ADAM22: variants seen among roughly 807,000 people sequenced by gnomAD.
ADAM22 encodes the protein ADAM metallopeptidase domain 22, also known as disintegrin and metalloproteinase domain-containing protein 22.
Under a neutral mutation model 144.6 loss-of-function variants are expected in ADAM22, and 65 were observed. The ratio of observed to expected loss-of-function variants is 0.45; its 90% CI spans 0.37 to 0.55. ADAM22 has a LOEUF of 0.55. ADAM22 is among the 20% of genes least tolerant of loss of function. ADAM22 has a pLI of 0.00. For synonymous variants in ADAM22, 391 were observed against 412.6 expected, an observed-to-expected ratio of 0.95 and a Z score of 0.63; for missense variants, 974 against 1,184.9, an observed-to-expected ratio of 0.82 and a Z score of 2.61.
rs571640366 is a variant in ADAM22, at chr7:88,023,110, G to A, written c.323+44698G>A. ...CTGATTTTTGTTTTCTGGTTGTTTC[G>A]TGGTCTTCTCTTCATTCTTTTCTTC... is the stretch of plus-strand genomic sequence containing the variant. On this transcript the variant is annotated intron_variant, in intron 3 of 31. Coordinates refer to ENST00000413139, the MANE Select transcript of ADAM22 (RefSeq NM_001324418.2). Among the ~76,000 whole-genome samples the A allele has an allele frequency of 2.3e-3, 349 of 152,162 alleles. 3 individuals carry two copies. Among genetic ancestry groups the A allele is most frequent in the African/African-American group, 8.2e-3 (339 of 41,532 alleles).
intron 22 of ADAM22, among the ~76,000 whole-genome samples, chr7:88,159,077 G>A (rs755666542): frequency 7.2e-5 from 11 of 151,864 alleles, no homozygotes; most frequent in South Asian, 2.1e-4. Flanking sequence ...GGGATGTTAC[G>A]ACTCACCCCA....
At chr7:88,135,451 A>G (rs967150315) in intron 13 of ADAM22, among the ~76,000 whole-genome samples, 4 of 152,114 alleles carry the variant, frequency 2.6e-5, no homozygotes, top group African/African-American at 4.8e-5. Flanking sequence ...TAGCTCTTAC[A>G]AGTATAATGT....
intron 3 of ADAM22, among the ~76,000 whole-genome samples, chr7:87,984,856 T>G (rs1005895557): frequency 5.3e-5 from 8 of 151,988 alleles, no homozygotes; most frequent in African/African-American, 1.7e-4. Flanking sequence ...AATTTTTGTG[T>G]TTTTAGTGGA....
intron 3 of ADAM22, among the ~76,000 whole-genome samples, chr7:88,001,504 A>G (rs115029527): frequency 2.0e-4 from 30 of 152,314 alleles, no homozygotes; most frequent in African/African-American, 7.0e-4. Flanking sequence ...GTAGAAACTC[A>G]AAAGCTAATA....
intron 3 of ADAM22, among the ~76,000 whole-genome samples, chr7:88,002,749 G>A (rs1792879564): frequency 6.6e-6 from 1 of 152,190 alleles, no homozygotes; most frequent in Admixed American, 6.5e-5. Context: ...CACCTTGGAG[G>A]AGAGTCATCA....
At chr7:88,158,025 A>G (rs1840473807) in intron 22 of ADAM22, among the ~76,000 whole-genome samples, 1 of 152,160 alleles carries the variant, frequency 6.6e-6, no homozygotes, top group Non-Finnish European at 1.5e-5. Context: ...ATGCAGTGAC[A>G]TCTATAGACT....
At chr7:87,954,716 T>C (rs1472490098) in intron 2 of ADAM22, among the ~76,000 whole-genome samples, 1 of 152,220 alleles carries the variant, frequency 6.6e-6, no homozygotes, top group Non-Finnish European at 1.5e-5. Flanking sequence ...GAAGTTCTCC[T>C]GGATAATATC....
intron 2 of ADAM22, among the ~76,000 whole-genome samples, chr7:87,944,816 G>GTTTTTTTTTTTTTTTTTTTTTTTTTT (rs11311070): frequency 7.9e-6 from 1 of 127,026 alleles, no homozygotes; most frequent in Non-Finnish European, 1.6e-5. Flanking sequence ...GGAAACTTGT[G>GTTTTTTTTTTTTTTTTTTTTTTTTTT]TTTTTTTTTT....
At chr7:88,126,094 G>C (rs1465846288) in intron 8 of ADAM22, among the ~76,000 whole-genome samples, 1 of 152,018 alleles carries the variant, frequency 6.6e-6, no homozygotes, top group Non-Finnish European at 1.5e-5. Flanking sequence ...CAAAACTTTG[G>C]AGTCCAGGAT....
intron 30 of ADAM22, among the ~76,000 whole-genome samples, chr7:88,192,033 C>T (rs1849724327): frequency 6.6e-6 from 1 of 152,144 alleles, no homozygotes; most frequent in Admixed American, 6.5e-5. Flanking sequence ...AAAAAGACAC[C>T]TTTATGCTAT....
At position 87,934,556 on chromosome 7, in the gene ADAM22, T is replaced by A; in HGVS notation, c.85+6T>A. The A allele has an allele frequency of 3.1e-6, 5 of 1,605,170 alleles. No individual in the cohort carries two copies. Among genetic ancestry groups the A allele is most frequent in the Non-Finnish European group, 4.2e-6 (5 of 1,178,752 alleles). On this transcript the variant is annotated splice_donor_region_variant and intron_variant, in intron 1 of 31. Coordinates refer to ENST00000413139, the MANE Select transcript of ADAM22 (RefSeq NM_001324418.2). The stretch of plus-strand genomic sequence containing the variant: ...GGCGCGCTGCGGCCAGGCAGGTAAG[T>A]TAGCCGTCCTCTGTGCCTTTGGGCC...
intron 7 of ADAM22, among the ~76,000 whole-genome samples, chr7:88,121,270 T>C (rs1829237793): frequency 6.6e-6 from 1 of 152,070 alleles, no homozygotes; most frequent in Non-Finnish European, 1.5e-5. Context: ...TCAATTTCTA[T>C]AATTCTGGGA....
At chr7:88,041,311 G>T (rs1460048955) in intron 3 of ADAM22, among the ~76,000 whole-genome samples, 1 of 151,938 alleles carries the variant, frequency 6.6e-6, no homozygotes, top group South Asian at 2.1e-4. Flanking sequence ...ATCAAGAATG[G>T]TAGTGAGTGC....
intron 5 of ADAM22, among the ~76,000 whole-genome samples, chr7:88,110,354 C>T (rs1157237841): frequency 2.6e-5 from 4 of 152,038 alleles, no homozygotes; most frequent in Admixed American, 2.0e-4. Context: ...TTTTTTTTCC[C>T]CTTTTCTCTC....
chr7:88,153,087 C>A, intron 20 of ADAM22, 134 bp from the exon 21 acceptor site: 1 of 579,476 alleles, frequency 1.7e-6, no homozygotes, highest in Admixed American at 3.2e-5. Flanking sequence ...GTGAACCGTT[C>A]GTTGGTAACA....
chr7:88,003,508 T>C (rs1395009742), intron 3 of ADAM22, among the ~76,000 whole-genome samples: 3 of 152,158 alleles, frequency 2.0e-5, no homozygotes, highest in Non-Finnish European at 4.4e-5. Flanking sequence ...CCCCCAAATT[T>C]GATGTATCCT....
At chr7:87,941,440 G>T (rs928528304) in intron 2 of ADAM22, among the ~76,000 whole-genome samples, 1 of 152,098 alleles carries the variant, frequency 6.6e-6, no homozygotes, top group African/African-American at 2.4e-5. Context: ...TACTGCTTCC[G>T]TGGCGGAAAA....
intron 2 of ADAM22, among the ~76,000 whole-genome samples, chr7:87,956,501 A>G (rs1846793830): frequency 6.6e-6 from 1 of 152,204 alleles, no homozygotes; most frequent in South Asian, 2.1e-4. Context: ...ATGGTATACG[A>G]TTGAGTTTTT....
rs1359078864 is a variant in ADAM22 at position 88,197,846 on chromosome 7, GA to G, written c.*1356del. 10 of 152,182 alleles carry G rather than the reference GA, an allele frequency of 6.6e-5. No individual in the cohort carries two copies. The highest frequency in any genetic ancestry group is 2.4e-4 in the African/African-American group (10 of 41,440). The allele number at this position is 152,182 out of a possible 1,614,324, so 9.4% of individuals were successfully genotyped here. A position where few individuals can be genotyped will look rare whatever the true frequency, so the allele number is the denominator to read the frequency against. ...AGGGTTAAGTTAGATCTAAACCACA[GA>G]GATGCAGCATCTGCGAAGTTACACT... On this transcript the variant is annotated 3_prime_UTR_variant, in exon 32 of 32. Transcript: ENST00000413139.
Sources: allele counts gnomAD v4.1 joint callset (sites outside exome capture counted in the v4.1 genomes callset), GRCh38; gene constraint gnomAD v4.1.1; transcripts MANE v1.5; gene names NCBI Gene and HGNC (gene_info 2026-07-23, HGNC 2026-07-21).